The following STIM2 variants were observed in gnomAD, a reference collection of about 807,000 sequenced individuals.
STIM2 encodes stromal interaction molecule 2.
A neutral mutation model predicts 85.8 loss-of-function variants in STIM2; 31 were observed. The ratio of observed to expected loss-of-function variants is 0.36; its 90% CI spans 0.27 to 0.49. The LOEUF is 0.49. Among genes scored for constraint, STIM2 ranks in the 20% least tolerant of loss-of-function variants. STIM2 has a pLI of 0.98. For synonymous variants in STIM2, 356 were observed against 331.1 expected (o/e 1.08, Z -0.82); for missense variants, 841 against 927.6 (o/e 0.91, Z 1.21).
intron 2 of STIM2, among the ~76,000 whole-genome samples, chr4:26,951,846 A>G (rs1726064839): frequency 6.6e-6 from 1 of 152,132 alleles, no homozygotes; most frequent in Admixed American, 6.6e-5. Context: ...AGTATTGATC[A>G]TGTCTAAGTA....
chr4:26,875,031 T>C (rs971250454), intron 1 of STIM2, among the ~76,000 whole-genome samples: 1 of 152,230 alleles, frequency 6.6e-6, no homozygotes, highest in Non-Finnish European at 1.5e-5. Context: ...GCAGATTCCT[T>C]TAATTGAAGC....
In STIM2 at chr4:26,885,424, A is replaced by T. The variant is rs1723179861; in HGVS notation, c.151+24055A>T. Among the ~76,000 whole-genome samples, 3 of 152,048 alleles carry T rather than the reference A, an allele frequency of 2.0e-5. No homozygotes were observed. The South Asian group carries it at 6.2e-4, about 32-fold the overall frequency. On this transcript the variant is annotated intron_variant, in intron 1 of 11. Coordinates refer to ENST00000467087, the MANE Select transcript of STIM2 (RefSeq NM_020860.4). ...CACTGTCCTTACTTTAATACCATAG[A>T]TTTGCTTCCCTATTTTTGAATGTGA...
At chr4:26,887,114 T>A (rs1030887709) in intron 1 of STIM2, among the ~76,000 whole-genome samples, 8 of 151,742 alleles carry the variant, frequency 5.3e-5, no homozygotes, top group Admixed American at 4.6e-4. Flanking sequence ...GCTAGGAAAT[T>A]GGAACAACCC....
rs375172765 is a variant in STIM2 at position 26,895,109 on chromosome 4, G to T, written c.152-24395G>T. Among the ~76,000 whole-genome samples the T allele has an allele frequency of 3.9e-5, 6 of 152,234 alleles. No individual in the cohort carries two copies. In the East Asian group the frequency reaches 7.7e-4, roughly 20 times the overall value. On this transcript the variant is annotated intron_variant, in intron 1 of 11. Coordinates refer to ENST00000467087, the MANE Select transcript of STIM2 (RefSeq NM_020860.4). Reference sequence around the variant, plus strand: ...CGCCTGAAATCTCAGCTATCCAGGAGGGTGAGTTAGGAGAATTGCTTGAAC... The same window carrying T: ...CGCCTGAAATCTCAGCTATCCAGGATGGTGAGTTAGGAGAATTGCTTGAAC...
chr4:26,955,150 A>T (rs1168531138), intron 2 of STIM2, among the ~76,000 whole-genome samples: 5 of 147,144 alleles, frequency 3.4e-5, no homozygotes, highest in African/African-American at 1.3e-4. Context: ...AGTTTTAAAA[A>T]ATTAAAAAAA....
chr4:26,903,962 A>G (rs1388313320), intron 1 of STIM2, among the ~76,000 whole-genome samples: 1 of 151,714 alleles, frequency 6.6e-6, no homozygotes, highest in Non-Finnish European at 1.5e-5. Context: ...TTTTTTTATT[A>G]TACTTTAAGT....
At chr4:26,965,173 G>A (rs1726663852) in intron 3 of STIM2, among the ~76,000 whole-genome samples, 1 of 152,112 alleles carries the variant, frequency 6.6e-6, no homozygotes, top group Non-Finnish European at 1.5e-5. Flanking sequence ...TTATGCAAGG[G>A]AAGGTCCATT....
chr4:26,941,147 G>A (rs1030711892), intron 2 of STIM2, among the ~76,000 whole-genome samples: 3 of 152,056 alleles, frequency 2.0e-5, no homozygotes, highest in Non-Finnish European at 2.9e-5. Context: ...ACAGCTTTTT[G>A]TACACATCCT....
chr4:26,962,882 G>T (rs1465475894), intron 3 of STIM2, among the ~76,000 whole-genome samples: 1 of 152,108 alleles, frequency 6.6e-6, no homozygotes, highest in Non-Finnish European at 1.5e-5. Context: ...AACTCACTGG[G>T]TTAGTTATTA....
At chr4:26,973,741 A>G (rs1727069459) in intron 3 of STIM2, among the ~76,000 whole-genome samples, 1 of 152,128 alleles carries the variant, frequency 6.6e-6, no homozygotes, top group Admixed American at 6.5e-5. Flanking sequence ...AGTTCTGTAG[A>G]TGTCTATTAG....
At chr4:26,991,215 T>C (rs1390338700) in intron 3 of STIM2, among the ~76,000 whole-genome samples, 1 of 152,050 alleles carries the variant, frequency 6.6e-6, no homozygotes, top group Non-Finnish European at 1.5e-5. Context: ...ATAAAGAAAA[T>C]GTGGTATGTA....
At chr4:26,942,670 G>A (rs1264484659) in intron 2 of STIM2, among the ~76,000 whole-genome samples, 1 of 152,048 alleles carries the variant, frequency 6.6e-6, no homozygotes, top group African/African-American at 2.4e-5. Context: ...CCTTTTTAAA[G>A]CAATTTTTTA....
chr4:26,909,395 T>C (rs1202852778), intron 1 of STIM2, among the ~76,000 whole-genome samples: 3 of 152,266 alleles, frequency 2.0e-5, no homozygotes, highest in East Asian at 1.9e-4. Flanking sequence ...CCCGAAGTTA[T>C]ATAGTAAGTG....
intron 4 of STIM2, 129 bp from the exon 5 acceptor site, chr4:26,999,103 T>G: frequency 2.2e-5 from 7 of 325,028 alleles, no homozygotes; most frequent in Non-Finnish European, 3.3e-5. Context: ...CACACATGGA[T>G]GAGCTCCAAC....
chr4:27,016,600 T>C (rs1389801795), intron 10 of STIM2, among the ~76,000 whole-genome samples: 1 of 152,218 alleles, frequency 6.6e-6, no homozygotes, highest in African/African-American at 2.4e-5. Flanking sequence ...ACAGAAGCCC[T>C]TTAAAATGGC....
At chr4:26,878,052 C>T (rs1722875634) in intron 1 of STIM2, among the ~76,000 whole-genome samples, 1 of 152,198 alleles carries the variant, frequency 6.6e-6, no homozygotes, top group African/African-American at 2.4e-5. Context: ...AAATGGATTG[C>T]TGTGCCTTAT....
At chr4:27,021,476 G>A (rs1477239902) in intron 11 of STIM2, 5 of 456,708 alleles carry the variant, frequency 1.1e-5, no homozygotes, top group South Asian at 6.2e-5. Flanking sequence ...GAGGGGTCTC[G>A]AGGTTGGCAT....
At chr4:26,972,847 T>G (rs1727016028) in intron 3 of STIM2, among the ~76,000 whole-genome samples, 1 of 152,312 alleles carries the variant, frequency 6.6e-6, no homozygotes. Context: ...CTGGTAGAAT[T>G]CAGCTGTGAA....
intron 3 of STIM2, among the ~76,000 whole-genome samples, chr4:26,988,645 A>T (rs1727663298): frequency 6.6e-6 from 1 of 152,236 alleles, no homozygotes; most frequent in South Asian, 2.1e-4. Flanking sequence ...TTTATACCTA[A>T]TTAAGAACCT....
Sources: allele counts gnomAD v4.1 joint callset (sites outside exome capture counted in the v4.1 genomes callset), GRCh38; gene constraint gnomAD v4.1.1; transcripts MANE v1.5; gene names NCBI Gene and HGNC (gene_info 2026-07-23, HGNC 2026-07-21).